Variants in MS4A15 observed in about 807,000 individuals in gnomAD.
MS4A15 encodes the protein membrane-spanning 4-domains subfamily A member 15.
In MS4A15, 22 loss-of-function variants were observed where a neutral mutation model predicts 20.6. The ratio of observed to expected loss-of-function variants is 1.07; its 90% CI spans 0.76 to 1.52. MS4A15 has a LOEUF of 1.52. Ranked by LOEUF, MS4A15 falls within the 40% of genes most tolerant of loss-of-function variation. The probability of loss-of-function intolerance (pLI) is 0.00; values close to 1 mark genes in which losing one functional copy is unlikely to be tolerated. For synonymous variants in MS4A15, 129 were observed against 129.3 expected (o/e 1.00, Z 0.02); for missense variants, 312 against 323.0 (o/e 0.97, Z 0.26).
At chr11:60,757,234 A>G (rs1853618886) in intron 1 of MS4A15, among the ~76,000 whole-genome samples, 176 bp downstream of exon 1, 1 of 152,230 alleles carries the variant, frequency 6.6e-6, no homozygotes, top group Admixed American at 6.5e-5. Flanking sequence ...ACACAACGCT[A>G]TGATCTTAAT....
chr11:60,767,117 A>C (rs565523930), intron 2 of MS4A15, among the ~76,000 whole-genome samples: 10 of 152,178 alleles, frequency 6.6e-5, no homozygotes, highest in Non-Finnish European at 1.2e-4. Context: ...TGGGACGATC[A>C]GTGATGGACA....
intron 2 of MS4A15, 65 bp from the exon 3 acceptor site, chr11:60,767,468 C>T (rs879289725): frequency 1.4e-6 from 2 of 1,413,296 alleles, no homozygotes; most frequent in South Asian, 1.6e-5. Flanking sequence ...CCACGCTCTC[C>T]GCGGGGCCGG....
chr11:60,757,507 C>T (rs576554108), intron 1 of MS4A15, among the ~76,000 whole-genome samples: 1 of 152,260 alleles, frequency 6.6e-6, no homozygotes, highest in South Asian at 2.1e-4. Flanking sequence ...CAGCGGGAGG[C>T]GGGCGGGGGG....
intron 1 of MS4A15, among the ~76,000 whole-genome samples, chr11:60,757,869 G>A (rs934582599): frequency 1.3e-5 from 2 of 152,206 alleles, no homozygotes; most frequent in Non-Finnish European, 2.9e-5. Context: ...GCGCTTTTTG[G>A]CGCATTCCCT....
chr11:60,766,986 C>T (rs926573048), intron 2 of MS4A15, among the ~76,000 whole-genome samples: 5 of 152,236 alleles, frequency 3.3e-5, no homozygotes, highest in African/African-American at 1.2e-4. Flanking sequence ...GAAGCTCACA[C>T]TTGGGAAAAC....
rs575287538 is a variant in MS4A15, at chr11:60,767,817, G to A, written c.348+162G>A. On this transcript the variant is annotated intron_variant, in intron 3 of 6. Transcript: ENST00000405633. The stretch of plus-strand genomic sequence containing the variant: ...TAGAGTCTAAATCTAACTCCTTGCC[G>A]GAAACGCTCACCATAAACTTGAGCC... Among the ~76,000 whole-genome samples the A allele has an allele frequency of 7.2e-5, 11 of 152,298 alleles. No individual in the cohort carries two copies. The East Asian group carries it at 1.7e-3, about 24-fold the overall frequency.
intron 1 of MS4A15, among the ~76,000 whole-genome samples, chr11:60,761,000 T>C (rs1451271068): frequency 6.6e-6 from 1 of 152,188 alleles, no homozygotes; most frequent in Non-Finnish European, 1.5e-5. Context: ...ACATAGATGT[T>C]GGGGTGGCTG....
At chr11:60,766,320 G>C (rs1394777089) in intron 2 of MS4A15, among the ~76,000 whole-genome samples, 3 of 152,228 alleles carry the variant, frequency 2.0e-5, no homozygotes, top group African/African-American at 7.2e-5. Flanking sequence ...GGCAGAGTTT[G>C]CAGTGAGCTG....
intron 3 of MS4A15, among the ~76,000 whole-genome samples, chr11:60,770,424 C>T (rs940244055): frequency 6.6e-6 from 1 of 151,626 alleles, no homozygotes; most frequent in Admixed American, 6.6e-5. Context: ...ATGGTGAAAC[C>T]CCGTCTCTCC....
At chr11:60,774,539 G>A (rs1854134495) in intron 6 of MS4A15, among the ~76,000 whole-genome samples, 1 of 152,250 alleles carries the variant, frequency 6.6e-6, no homozygotes, top group Admixed American at 6.5e-5. Context: ...AGGCAGCCTT[G>A]CAGAATAGAA....
rs745613408 is a variant in MS4A15, at chr11:60,763,956, G to A, written c.223G>A (p.Gly75Arg). ...CCTGACAGGAGAGCCCAAAGTTTTG[G>A]GGGTAAGAACAGCCTCTCTGCACAA... is the stretch of plus-strand genomic sequence containing the variant. The part of the protein sequence containing the change: ...TFLTGEPKVL[G>R]TVQILIGLIH... Residue 75 changes from glycine to arginine, a missense_variant and splice_region_variant, in exon 2 of 7, where the codon GGG (glycine) becomes AGG (arginine). Physicochemically the swap from Gly to Arg is moderately radical, Grantham distance 125. Coordinates refer to ENST00000405633, the MANE Select transcript of MS4A15 (RefSeq NM_001098835.2). 1 of 1,611,234 alleles carries A rather than the reference G, an allele frequency of 6.2e-7. No homozygotes were observed. Among genetic ancestry groups the A allele is most frequent in the African/African-American group, 1.3e-5 (1 of 74,970 alleles).
Position 60,767,536 on chromosome 11 carries a change from G to C in MS4A15, c.229G>C (p.Val77Leu), listed in dbSNP as rs559990469. 1,193 of 1,543,056 alleles carry C rather than the reference G, an allele frequency of 7.7e-4. 19 individuals are homozygous for C. The South Asian group carries it at 0.014, about 18-fold the overall frequency. The change falls in exon 3 of 7, where the codon GTG becomes CTG. Residue 77 changes from valine (V) to leucine (L), a missense_variant. Transcript: ENST00000405633. ...TGAGCCTCGGGGCTTCCCGCAGACG[G>C]TGCAGATCCTCATCGGCCTCATCCA... Reference protein sequence around the residue: ...LTGEPKVLGTVQILIGLIHLG... With the variant: ...LTGEPKVLGTLQILIGLIHLG...
chr11:60,759,458 C>T (rs1292386401), intron 1 of MS4A15, among the ~76,000 whole-genome samples: 2 of 152,240 alleles, frequency 1.3e-5, no homozygotes, highest in Admixed American at 6.5e-5. Flanking sequence ...AGGTTTCCCC[C>T]GACTGAGACA....
At chr11:60,770,597 T>C (rs986761938) in intron 3 of MS4A15, among the ~76,000 whole-genome samples, 3 of 149,388 alleles carry the variant, frequency 2.0e-5, no homozygotes, top group Non-Finnish European at 4.4e-5. Context: ...GACTCCATCT[T>C]AGAAAATAAA....
At chr11:60,764,841 G>A (rs1239882351) in intron 2 of MS4A15, among the ~76,000 whole-genome samples, 1 of 152,152 alleles carries the variant, frequency 6.6e-6, no homozygotes, top group Non-Finnish European at 1.5e-5. Context: ...CCCGGGAGGT[G>A]GAGGTTGCAG....
chr11:60,765,047 C>A (rs1853849336), intron 2 of MS4A15, among the ~76,000 whole-genome samples: 1 of 152,184 alleles, frequency 6.6e-6, no homozygotes. Flanking sequence ...GAGCAGTAAG[C>A]TCTTATAGGC....
chr11:60,772,515 C>T (rs1413381851), intron 4 of MS4A15, among the ~76,000 whole-genome samples: 1 of 152,196 alleles, frequency 6.6e-6, no homozygotes, highest in Non-Finnish European at 1.5e-5. Flanking sequence ...TAGTGCCTGG[C>T]ATGCAGTAGG....
At chr11:60,765,815 C>A (rs1192669598) in intron 2 of MS4A15, among the ~76,000 whole-genome samples, 2 of 150,518 alleles carry the variant, frequency 1.3e-5, no homozygotes, top group Non-Finnish European at 2.9e-5. Flanking sequence ...ACTTGTGGCC[C>A]ATGGAGACAG....
At chr11:60,770,908 T>C (rs761162350) in intron 3 of MS4A15, among the ~76,000 whole-genome samples, 1 of 151,952 alleles carries the variant, frequency 6.6e-6, no homozygotes, top group Non-Finnish European at 1.5e-5. Flanking sequence ...AGTTTCACCA[T>C]GTTGGCCAGG....
Sources: allele counts gnomAD v4.1 joint callset (sites outside exome capture counted in the v4.1 genomes callset), GRCh38; gene constraint gnomAD v4.1.1; transcripts MANE v1.5; gene names NCBI Gene and HGNC (gene_info 2026-07-23, HGNC 2026-07-21).